The following CCDC102B variants were observed in gnomAD, a reference collection of about 807,000 sequenced individuals.
The protein encoded by CCDC102B is coiled-coil domain-containing protein 102B.
A neutral mutation model predicts 57.4 loss-of-function variants in CCDC102B; 75 were observed. That is an observed-to-expected ratio of 1.31 (90% CI 1.08 to 1.58). The LOEUF (loss-of-function observed/expected upper bound fraction) is 1.58. Among genes scored for constraint, CCDC102B ranks in the 40% most tolerant of loss-of-function variants. CCDC102B has a pLI of 0.00. For missense variants in CCDC102B, 636 were observed against 582.6 expected, an observed-to-expected ratio of 1.09 and a Z score of -0.94; for synonymous variants, 206 against 201.9, an observed-to-expected ratio of 1.02 and a Z score of -0.17.
intron 5 of CCDC102B, among the ~76,000 whole-genome samples, chr18:68,884,084 G>A (rs1412199080): frequency 6.6e-6 from 1 of 152,158 alleles, no homozygotes; most frequent in African/African-American, 2.4e-5. Context: ...GATTGGTACA[G>A]CCATCATGGA....
At position 68,838,733 on chromosome 18, in the gene CCDC102B, A is replaced by C; in HGVS notation, c.634A>C (p.Lys212Gln). The C allele has an allele frequency of 1.9e-6, 3 of 1,613,898 alleles. No individual in the cohort carries two copies. The highest frequency in any genetic ancestry group is 2.5e-6 in the Non-Finnish European group (3 of 1,179,890). The change falls in exon 3 of 8, where the codon AAA (lysine) becomes CAA (glutamine). Residue 212 changes from lysine to glutamine, a missense_variant. Coordinates refer to ENST00000360242, the MANE Select transcript of CCDC102B (RefSeq NM_024781.3). The stretch of plus-strand genomic sequence containing the variant: ...ACAAGGTGTGGTTATTGATTCTCTA[A>C]AATTAAGTGAGGAGATGAAGCCCAA... ...KEQGVVIDSLKLSEEMKPNLD... is the reference protein window; with the variant it reads ...KEQGVVIDSLQLSEEMKPNLD...
At chr18:68,753,194 T>A (rs2033927677) in intron 2 of CCDC102B, 1 of 152,188 alleles carries the variant, frequency 6.6e-6, no homozygotes, top group African/African-American at 2.4e-5. Flanking sequence ...TGGCATTATT[T>A]TTCAATTTTT....
intron 6 of CCDC102B, among the ~76,000 whole-genome samples, chr18:68,986,048 G>A (rs1217777608): frequency 6.6e-6 from 1 of 152,062 alleles, no homozygotes; most frequent in Non-Finnish European, 1.5e-5. Context: ...TGTTTAAGGT[G>A]AACATATTAT....
At chr18:68,762,955 A>G (rs2034303042) in intron 2 of CCDC102B, among the ~76,000 whole-genome samples, 2 of 152,198 alleles carry the variant, frequency 1.3e-5, no homozygotes, top group Admixed American at 6.6e-5. Flanking sequence ...ACTGTAATCA[A>G]TATTTTACCT....
intron 7 of CCDC102B, 84 bp from the exon 8 acceptor site, chr18:69,053,945 AT>A (rs2052769667): frequency 9.5e-7 from 1 of 1,052,704 alleles, no homozygotes; most frequent in Admixed American, 2.8e-5. Flanking sequence ...TTTTAAGAAT[AT>A]GATAAGATGT....
intron 3 of CCDC102B, among the ~76,000 whole-genome samples, chr18:68,841,434 A>G (rs191489118): frequency 1.3e-3 from 199 of 152,322 alleles, no homozygotes; most frequent in African/African-American, 4.6e-3. Context: ...ATATACTGAG[A>G]ATTTATATAT....
intron 2 of CCDC102B, among the ~76,000 whole-genome samples, chr18:68,781,077 A>G (rs2034992472): frequency 6.6e-6 from 1 of 152,040 alleles, no homozygotes; most frequent in South Asian, 2.1e-4. Context: ...CTGTTTTTGT[A>G]TGTATCATCT....
intron 1 of CCDC102B, among the ~76,000 whole-genome samples, chr18:68,816,723 C>G (rs1376051574): frequency 1.3e-5 from 2 of 152,162 alleles, no homozygotes; most frequent in Non-Finnish European, 2.9e-5. Flanking sequence ...CTCGGCGTCT[C>G]AAAGTGTTGG....
At chr18:68,717,340 G>A (rs2032082620) in intron 2 of CCDC102B, among the ~76,000 whole-genome samples, 1 of 152,140 alleles carries the variant, frequency 6.6e-6, no homozygotes, top group Non-Finnish European at 1.5e-5. Flanking sequence ...ACTGGATTGG[G>A]GAGAAAGTAT....
intron 2 of CCDC102B, among the ~76,000 whole-genome samples, chr18:68,760,786 A>T (rs2034228977): frequency 6.6e-6 from 1 of 152,088 alleles, no homozygotes; most frequent in Non-Finnish European, 1.5e-5. Flanking sequence ...ATGAGAAGAA[A>T]GAGGCAGAAA....
At chr18:68,877,240 A>G (rs1237265576) in intron 5 of CCDC102B, among the ~76,000 whole-genome samples, 1 of 152,148 alleles carries the variant, frequency 6.6e-6, no homozygotes, top group African/African-American at 2.4e-5. Flanking sequence ...GACGATTGTG[A>G]TGTGAGTGGG....
intron 6 of CCDC102B, among the ~76,000 whole-genome samples, chr18:68,953,427 T>C (rs2049757066): frequency 6.6e-6 from 1 of 151,654 alleles, no homozygotes; most frequent in Non-Finnish European, 1.5e-5. Context: ...AGTTTTGATT[T>C]GTATTTCCCT....
At chr18:68,978,783 C>A (rs557478298) in intron 6 of CCDC102B, among the ~76,000 whole-genome samples, 103 of 152,056 alleles carry the variant, frequency 6.8e-4, no homozygotes, top group African/African-American at 2.4e-3. Context: ...TACAGAAGTA[C>A]AAAAGATACC....
intron 6 of CCDC102B, among the ~76,000 whole-genome samples, chr18:69,005,617 C>A (rs995573437): frequency 1.3e-5 from 2 of 151,814 alleles, no homozygotes. Context: ...TATGACTAAA[C>A]TCAATCTTCA....
chr18:68,818,467 T>C (rs6566387), intron 1 of CCDC102B, among the ~76,000 whole-genome samples: 65,617 of 151,980 alleles, frequency 0.43, 15,469 homozygotes, highest in East Asian at 0.86. Flanking sequence ...AATACACCCA[T>C]GTAGCCAATA....
At chr18:68,733,959 T>A (rs1568223208) in intron 2 of CCDC102B, among the ~76,000 whole-genome samples, 1 of 152,164 alleles carries the variant, frequency 6.6e-6, no homozygotes, top group Non-Finnish European at 1.5e-5. Flanking sequence ...CGTTTCTGCG[T>A]TTCCAGGAGA....
At chr18:68,889,662 C>T (rs2040007758) in intron 5 of CCDC102B, among the ~76,000 whole-genome samples, 1 of 152,142 alleles carries the variant, frequency 6.6e-6, no homozygotes, top group Non-Finnish European at 1.5e-5. Context: ...TGGTCTCAAA[C>T]TCCCAATGTC....
chr18:68,937,818 T>C (rs2049281757), intron 6 of CCDC102B, among the ~76,000 whole-genome samples: 1 of 151,250 alleles, frequency 6.6e-6, no homozygotes, highest in Admixed American at 6.6e-5. Context: ...CCATGTGTAC[T>C]CATTGTTCAA....
chr18:69,035,428 A>G (rs1175697910), intron 7 of CCDC102B, among the ~76,000 whole-genome samples: 5 of 152,088 alleles, frequency 3.3e-5, no homozygotes, highest in Admixed American at 6.6e-5. Flanking sequence ...CAGAATCATC[A>G]TCATGGGTTA....
Sources: gnomAD v4.1 joint callset for allele counts (sites outside exome capture counted in the v4.1 genomes callset) on GRCh38, gnomAD v4.1.1 for gene constraint, MANE v1.5 for transcripts, NCBI Gene and HGNC (gene_info 2026-07-23, HGNC 2026-07-21) for gene names.